Variants in USP45 observed in about 807,000 individuals in gnomAD.
The protein encoded by USP45 is ubiquitin carboxyl-terminal hydrolase 45.
USP45 carries 89 observed loss-of-function variants against 95.8 expected under a neutral mutation model. The ratio of observed to expected loss-of-function variants is 0.93; its 90% CI spans 0.78 to 1.11. The LOEUF (loss-of-function observed/expected upper bound fraction) is 1.11. USP45 is among the 50% of genes least tolerant of loss of function. The pLI, the probability that USP45 is intolerant of heterozygous loss-of-function variation, is 0.00. For missense variants in USP45, 898 were observed against 942.5 expected (o/e 0.95, Z 0.62); for synonymous variants, 281 against 316.2 (o/e 0.89, Z 1.18).
At position 99,433,453 on chromosome 6, in the gene USP45, G is replaced by A. The variant is rs1780010028; in HGVS notation, c.*2263C>T. ...ATATACATTTACTATCCCTGCAAAT[G>A]TGCTTTGGAAATAATAACAAAAATT... On this transcript the variant is annotated 3_prime_UTR_variant, in exon 18 of 18. Coordinates refer to ENST00000500704, the MANE Select transcript of USP45 (RefSeq NM_001346022.3). 2.6e-5 allele frequency: 4 copies of A among 152,508 alleles called. No individual in the cohort carries two copies. The highest frequency in any genetic ancestry group is 2.6e-4 in the Admixed American group (4 of 15,270). 9.4% of individuals were successfully genotyped at this position (152,508 alleles called of 1,614,324 possible). A position where few individuals can be genotyped will look rare whatever the true frequency, so the allele number is the denominator to read the frequency against.
chr6:99,477,227 G>A (rs1164434105), intron 8 of USP45, among the ~76,000 whole-genome samples: 1 of 152,110 alleles, frequency 6.6e-6, no homozygotes, highest in Admixed American at 6.5e-5. Flanking sequence ...TGAGAAAATC[G>A]AAGAACAAGC....
At chr6:99,510,258 T>C (rs763106866) in intron 1 of USP45, 28 bp from the exon 2 acceptor site, 7 of 1,510,374 alleles carry the variant, frequency 4.6e-6, no homozygotes, top group Non-Finnish European at 5.4e-6. Context: ...AAAAAATTCA[T>C]ACATTTTAGT....
intron 13 of USP45, among the ~76,000 whole-genome samples, chr6:99,449,484 TGCACCCAATACAGGA>T (rs56374325): frequency 0.52 from 78,911 of 151,458 alleles, 21,212 homozygotes; most frequent in East Asian, 0.9. Context: ...TAAATATATA[TGCACCCAATACAGGA>T]GCACCCAATA....
chr6:99,439,801 C>T lies in USP45; in HGVS notation c.2128G>A (p.Asp710Asn), dbSNP rs146738523. The change falls in exon 16 of 18, where the codon GAT becomes AAT. Residue 710 changes from aspartate (D) to asparagine (N), a missense_variant. Coordinates refer to ENST00000500704, the MANE Select transcript of USP45 (RefSeq NM_001346022.3). ...GTAGCAGAGCAGAATGGTGCTAAATCGAGCATAAGTGGAAAATCTACATGT... is the reference window on the plus strand; with the variant it reads ...GTAGCAGAGCAGAATGGTGCTAAATTGAGCATAAGTGGAAAATCTACATGT... ...NRHVDFPLML[D>N]LAPFCSATCK... is the part of the protein sequence containing the mutation. 5.5e-4 allele frequency: 879 copies of T among 1,607,218 alleles called. 1 individual carries two copies. In the Middle Eastern group the frequency reaches 0.015, roughly 28 times the overall value.
intron 1 of USP45, among the ~76,000 whole-genome samples, chr6:99,513,124 A>G (rs1800289981): frequency 6.6e-6 from 1 of 152,180 alleles, no homozygotes; most frequent in South Asian, 2.1e-4. Flanking sequence ...ACATGTACCC[A>G]AAAATAGGTG....
chr6:99,452,480 C>T, intron 13 of USP45, among the ~76,000 whole-genome samples: 1 of 152,150 alleles, frequency 6.6e-6, no homozygotes, highest in East Asian at 1.9e-4. Context: ...CAGTGAGATA[C>T]CATCTCACAC....
At chr6:99,478,862 CAG>C (rs1369622842) in intron 8 of USP45, among the ~76,000 whole-genome samples, 2 of 152,112 alleles carry the variant, frequency 1.3e-5, no homozygotes, top group Non-Finnish European at 2.9e-5. Context: ...ACCACTATAA[CAG>C]AAACTTCAAG....
At chr6:99,451,839 C>T (rs1028564020) in intron 13 of USP45, among the ~76,000 whole-genome samples, 2 of 152,136 alleles carry the variant, frequency 1.3e-5, no homozygotes, top group African/African-American at 4.8e-5. Flanking sequence ...GAGATATAGA[C>T]CAATGGAACA....
At position 99,443,593 on chromosome 6, in the gene USP45, A is replaced by G. The variant is rs577045079; in HGVS notation, c.2045T>C (p.Leu682Pro). The change falls in exon 15 of 18, where the codon CTA (leucine) becomes CCA (proline). Residue 682 changes from leucine (L) to proline (P), a missense_variant. Coordinates refer to ENST00000500704, the MANE Select transcript of USP45 (RefSeq NM_001346022.3). ...ATGAAATCTTTTCAGGTGGAGAATT[A>G]GGACAGCTGGAACAGCAGAAATGAG... ...QLLISAVPAV[L>P]ILHLKRFHQA... is the part of the protein sequence containing the mutation. The G allele has an allele frequency of 2.2e-5, 36 of 1,608,990 alleles. No individual in the cohort carries two copies. In the South Asian group the frequency reaches 3.6e-4, roughly 16 times the overall value.
At chr6:99,450,092 T>C (rs964566005) in intron 13 of USP45, among the ~76,000 whole-genome samples, 3 of 152,038 alleles carry the variant, frequency 2.0e-5, no homozygotes, top group Non-Finnish European at 2.9e-5. Flanking sequence ...AGATCTAAAA[T>C]TGACACCCTA....
Position 99,476,219 on chromosome 6 carries a change from A to C in USP45, c.857T>G (p.Phe286Cys), listed in dbSNP as rs1404303618. 1 of 1,613,916 alleles carries C rather than the reference A, an allele frequency of 6.2e-7. No homozygotes were observed. Among genetic ancestry groups the C allele is most frequent in the Non-Finnish European group, 8.5e-7 (1 of 1,179,954 alleles). The change falls in exon 9 of 18, where the codon TTT becomes TGT. Residue 286 changes from phenylalanine to cysteine, a missense_variant. By Grantham distance (205) the Phe-to-Cys change is radical (BLOSUM62 -2). Coordinates refer to ENST00000500704, the MANE Select transcript of USP45 (RefSeq NM_001346022.3). The part of the protein sequence containing the change: ...FNQLCQKAPR[F>C]KDFQQQDSQE... ...ACTGTCCTGTTGCTGGAAATCTTTA[A>C]ATCGAGGTGCCCTGTGATTTAAAAA...
chr6:99,508,629 C>T lies in USP45; in HGVS notation c.254G>A (p.Cys85Tyr), dbSNP rs77128616. The T allele has an allele frequency of 2.5e-4, 398 of 1,612,154 alleles. No homozygotes were observed. In the African/African-American group the frequency reaches 4.7e-3, roughly 19 times the overall value. The change falls in exon 3 of 18, where the codon TGC becomes TAC. Residue 85 changes from cysteine to tyrosine, a missense_variant. By Grantham distance (194) the Cys-to-Tyr change is radical (BLOSUM62 -2). Coordinates refer to ENST00000500704, the MANE Select transcript of USP45 (RefSeq NM_001346022.3). ...QLVLTSDIWL[C>Y]LKCGFQGCGK... ...TCTTACCTGGAAGCCACACTTGAGG[C>T]ACAACCAAATATCAGAAGTAAGTAC...
chr6:99,463,838 C>A (rs1787186459), intron 13 of USP45, among the ~76,000 whole-genome samples: 1 of 145,236 alleles, frequency 6.9e-6, no homozygotes, highest in African/African-American at 2.5e-5. Flanking sequence ...AGAGGCACTG[C>A]AATCCATAGA....
intron 7 of USP45, among the ~76,000 whole-genome samples, chr6:99,484,627 G>A (rs933556364): frequency 9.9e-5 from 15 of 151,910 alleles, no homozygotes; most frequent in Admixed American, 2.0e-4. Context: ...GGGAGACTCC[G>A]TCTCTGCAAA....
chr6:99,445,263 T>A (rs1349362919), intron 14 of USP45, among the ~76,000 whole-genome samples: 1 of 152,006 alleles, frequency 6.6e-6, no homozygotes, highest in Admixed American at 6.6e-5. Context: ...GGCGGGTGGA[T>A]CATGAGGTCA....
At chr6:99,443,725 A>G in intron 14 of USP45, 63 bp from the exon 15 acceptor site, 12 of 1,069,482 alleles carry the variant, frequency 1.1e-5, no homozygotes, top group Non-Finnish European at 1.4e-5. Context: ...ACCATATAAT[A>G]AAAATTTATA....
intron 15 of USP45, among the ~76,000 whole-genome samples, chr6:99,443,253 C>T (rs946804133): frequency 1.1e-4 from 17 of 152,128 alleles, no homozygotes; most frequent in Admixed American, 9.2e-4. Flanking sequence ...AGGTGATCTG[C>T]CCACCTCAGC....
intron 15 of USP45, among the ~76,000 whole-genome samples, chr6:99,442,812 A>T (rs1781773361): frequency 6.6e-6 from 1 of 152,008 alleles, no homozygotes; most frequent in Admixed American, 6.6e-5. Flanking sequence ...GTGCCACTGT[A>T]CTCCAGCCTG....
chr6:99,478,910 C>A (rs191168390), intron 8 of USP45, among the ~76,000 whole-genome samples: 3 of 151,312 alleles, frequency 2.0e-5, no homozygotes, highest in Non-Finnish European at 4.4e-5. Flanking sequence ...GAATAAACCA[C>A]AAATTATGCC....
Sources: allele counts gnomAD v4.1 joint callset (sites outside exome capture counted in the v4.1 genomes callset), GRCh38; gene constraint gnomAD v4.1.1; transcripts MANE v1.5; gene names NCBI Gene and HGNC (gene_info 2026-07-23, HGNC 2026-07-21).